TIMM23B: variants seen among roughly 807,000 people sequenced by gnomAD.
TIMM23B encodes the protein translocase of inner mitochondrial membrane 23 homolog B.
In TIMM23B, 27 loss-of-function variants were observed where a neutral mutation model predicts 27.3. The observed-to-expected ratio is 0.99, with a 90% CI of 0.73 to 1.36. The LOEUF (loss-of-function observed/expected upper bound fraction) is 1.36, where lower values mean the gene tolerates loss of function less well. Ranked by LOEUF, TIMM23B falls within the 40% of genes most tolerant of loss-of-function variation. The pLI is 0.00. For missense variants in TIMM23B, 205 were observed against 244.2 expected (o/e 0.84, Z 1.07); for synonymous variants, 73 against 92.4 (o/e 0.79, Z 1.21).
intron 6 of TIMM23B, among the ~76,000 whole-genome samples, chr10:49,972,476 CTTT>C (rs1257121234): frequency 7.3e-5 from 11 of 150,020 alleles, no homozygotes; most frequent in African/African-American, 2.5e-4. Context: ...TTACTCTCAC[CTTT>C]TTATTTTCTT....
At chr10:49,947,793 G>A (rs1197368354) in intron 2 of TIMM23B, among the ~76,000 whole-genome samples, 1 of 151,978 alleles carries the variant, frequency 6.6e-6, no homozygotes, top group Non-Finnish European at 1.5e-5. Flanking sequence ...AGCGGGGTGT[G>A]GTGGTATGCA....
chr10:49,949,596 C>T (rs1457824753), intron 2 of TIMM23B, among the ~76,000 whole-genome samples: 1 of 151,388 alleles, frequency 6.6e-6, no homozygotes, highest in East Asian at 1.9e-4. Context: ...TTTCATATCC[C>T]CCCAAAAACT....
chr10:49,948,740 A>AT (rs1310424733), intron 2 of TIMM23B, among the ~76,000 whole-genome samples: 2 of 152,192 alleles, frequency 1.3e-5, no homozygotes, highest in East Asian at 1.9e-4. Flanking sequence ...TGGGTATGTG[A>AT]TTTTTTTGGG....
intron 1 of TIMM23B, among the ~76,000 whole-genome samples, chr10:49,942,779 T>A (rs34086873): frequency 0.29 from 43,182 of 148,332 alleles, 6,344 homozygotes; most frequent in Non-Finnish European, 0.32. Context: ...CTAGGAAACC[T>A]TCTTTAGGAG....
rs1431571851 is a variant in TIMM23B, at chr10:49,952,493, G to GA, written c.307dup (p.Thr103AsnfsTer20). ...GAATGGTCTTCGGCTAGGATTGAAGGAAACCCAGAACATGGCCTGGTCCAA... is the reference window on the plus strand; with the variant it reads ...GAATGGTCTTCGGCTAGGATTGAAGGAAAACCCAGAACATGGCCTGGTCCAA... On this transcript the variant is annotated frameshift_variant, in exon 4 of 7. Coordinates refer to ENST00000651259, the MANE Select transcript of TIMM23B (RefSeq NM_001290117.2). LOFTEE classifies it high-confidence loss of function. The GA allele has an allele frequency of 6.2e-7, 1 of 1,613,052 alleles. No homozygotes were observed. Among genetic ancestry groups the GA allele is most frequent in the Non-Finnish European group, 8.5e-7 (1 of 1,179,464 alleles).
chr10:49,952,231 A>G lies in TIMM23B; in HGVS notation c.259+12A>G. 3.7e-6 allele frequency: 6 copies of G among 1,602,124 alleles called. No individual in the cohort carries two copies. The highest frequency in any genetic ancestry group is 5.1e-6 in the Non-Finnish European group (6 of 1,169,254). On this transcript the variant is annotated intron_variant, in intron 3 of 6. Coordinates refer to ENST00000651259, the MANE Select transcript of TIMM23B (RefSeq NM_001290117.2). ...GTGTTGCATGACAGGTGAGTGTTAC[A>G]TACTTTTTTCTCAAGAGTGCTCAGT...
At chr10:49,969,353 C>T (rs1840310919) in intron 6 of TIMM23B, among the ~76,000 whole-genome samples, 3 of 150,184 alleles carry the variant, frequency 2.0e-5, no homozygotes, top group Non-Finnish European at 4.4e-5. Context: ...GGGAGAATCA[C>T]CTGAGCCCAG....
At chr10:49,958,518 C>G (rs1839795934) in intron 6 of TIMM23B, 38 bp downstream of exon 6, 2 of 1,596,264 alleles carry the variant, frequency 1.3e-6, no homozygotes, top group South Asian at 1.1e-5. Flanking sequence ...TCTTAATATA[C>G]TTGAAGTGCG....
intron 2 of TIMM23B, among the ~76,000 whole-genome samples, chr10:49,951,722 CATTTGGCTTT>C (rs1444374853): frequency 1.1e-4 from 16 of 152,266 alleles, no homozygotes; most frequent in African/African-American, 3.6e-4. Flanking sequence ...TGTTTGTGAA[CATTTGGCTTT>C]ATACATAGAA....
rs1350059225 is a variant in TIMM23B, at chr10:49,948,918, A to T, written c.166-3208A>T. 3.3e-5 allele frequency among the ~76,000 whole-genome samples: 5 copies of T among 152,238 alleles called. 1 individual carries two copies. The South Asian group carries it at 1.0e-3, about 32-fold the overall frequency. On this transcript the variant is annotated intron_variant, in intron 2 of 6. Coordinates refer to ENST00000651259, the MANE Select transcript of TIMM23B (RefSeq NM_001290117.2). ...TTTTTTTTCTAAGAGACAAAGTCTC[A>T]CTCTGTCTTCCAGACTCGAGTTGCA...
At chr10:49,944,255 C>A (rs1430040689) in intron 1 of TIMM23B, among the ~76,000 whole-genome samples, 1 of 152,134 alleles carries the variant, frequency 6.6e-6, no homozygotes, top group Non-Finnish European at 1.5e-5. Context: ...GAAATTGTTG[C>A]TGTGAGATAT....
Position 49,944,986 on chromosome 10 carries a change from A to G in TIMM23B, c.107-46A>G, listed in dbSNP as rs1452485021. 4 of 1,567,296 alleles carry G rather than the reference A, an allele frequency of 2.6e-6. No individual in the cohort carries two copies. In the African/African-American group the frequency reaches 4.1e-5, roughly 16 times the overall value. On this transcript the variant is annotated intron_variant, in intron 1 of 6. Coordinates refer to ENST00000651259, the MANE Select transcript of TIMM23B (RefSeq NM_001290117.2). ...GAGCTGGATTAACTCTAACTGGATTAACTTAAAGAATTTTGTTGCAATGTG... is the reference window on the plus strand; with the variant it reads ...GAGCTGGATTAACTCTAACTGGATTGACTTAAAGAATTTTGTTGCAATGTG...
intron 1 of TIMM23B, among the ~76,000 whole-genome samples, chr10:49,942,730 A>G (rs1839178816): frequency 6.6e-6 from 1 of 152,198 alleles, no homozygotes; most frequent in South Asian, 2.1e-4. Flanking sequence ...ATTCAGTAAT[A>G]TTGCATGTAA....
rs187405620 is a variant in TIMM23B, at chr10:49,965,799, G to A, written c.515-7213G>A. Among the ~76,000 whole-genome samples, 217 of 141,890 alleles carry A rather than the reference G, an allele frequency of 1.5e-3. 3 individuals carry two copies. The highest frequency in any genetic ancestry group is 5.3e-3 in the African/African-American group (209 of 39,438). The allele number at this position is 141,890 out of a possible 152,430, so 93.1% of individuals were successfully genotyped here. A position where few individuals can be genotyped will look rare whatever the true frequency, so the allele number is the denominator to read the frequency against. ...CTGGGTAATGGAGCGAGTCTCCATC[G>A]AAATGAAATGAAATGAGATGAAATA... On this transcript the variant is annotated intron_variant, in intron 6 of 6. Transcript: ENST00000651259.
At chr10:49,943,737 GT>G (rs35547755) in intron 1 of TIMM23B, among the ~76,000 whole-genome samples, 6,024 of 113,584 alleles carry the variant, frequency 0.053, 95 homozygotes, top group African/African-American at 0.1. Flanking sequence ...GTTTTTGTGG[GT>G]TTTTTTTTTT....
In TIMM23B at chr10:49,954,147, T is replaced by A. The variant is rs1268610713; in HGVS notation, c.345-855T>A. 596 of 161,846 alleles carry A rather than the reference T, an allele frequency of 3.7e-3. 7 individuals carry two copies. The highest frequency in any genetic ancestry group is 0.014 in the African/African-American group (574 of 41,884). 10.0% of individuals were successfully genotyped at this position (161,846 alleles called of 1,614,324 possible). A position where few individuals can be genotyped will look rare whatever the true frequency, so the allele number is the denominator to read the frequency against. On this transcript the variant is annotated intron_variant, in intron 4 of 6. Coordinates refer to ENST00000651259, the MANE Select transcript of TIMM23B (RefSeq NM_001290117.2). ...ACAAATTTTTGTTTCTGTAGAACGT[T>A]AATTGAGTCGTTTAATAATTAAACT...
chr10:49,958,303 T>C, intron 5 of TIMM23B, 67 bp from the exon 6 acceptor site: 1 of 1,018,204 alleles, frequency 9.8e-7, no homozygotes, highest in Non-Finnish European at 1.6e-6. Flanking sequence ...TGAAAACCAA[T>C]ATATGTATAT....
intron 5 of TIMM23B, among the ~76,000 whole-genome samples, chr10:49,955,526 C>A (rs1839685640): frequency 6.6e-6 from 1 of 152,164 alleles, no homozygotes; most frequent in Non-Finnish European, 1.5e-5. Flanking sequence ...GAATAGGTTC[C>A]TTGTAGATAA....
intron 6 of TIMM23B, among the ~76,000 whole-genome samples, chr10:49,970,654 G>A (rs1310310327): frequency 3.0e-5 from 4 of 135,430 alleles, no homozygotes; most frequent in Non-Finnish European, 4.9e-5. Context: ...TGCCCCGTCC[G>A]GGAGGGAGGT....
Sources: gnomAD v4.1 joint callset for allele counts (sites outside exome capture counted in the v4.1 genomes callset) on GRCh38, gnomAD v4.1.1 for gene constraint, MANE v1.5 for transcripts, NCBI Gene and HGNC (gene_info 2026-07-23, HGNC 2026-07-21) for gene names.